Variants in AGXT2 observed in about 807,000 individuals in gnomAD.
The protein encoded by AGXT2 is alanine--glyoxylate aminotransferase 2, also known as alanine--glyoxylate aminotransferase 2, mitochondrial.
A neutral mutation model predicts 62.5 loss-of-function variants in AGXT2; 61 were observed. The observed-to-expected ratio is 0.98, with a 90% CI of 0.79 to 1.21. AGXT2 has a LOEUF of 1.21. AGXT2 is among the 50% of genes most tolerant of loss of function. AGXT2 has a pLI of 0.00. For synonymous variants in AGXT2, 243 were observed against 218.7 expected (o/e 1.11, Z -0.98); for missense variants, 666 against 641.5 (o/e 1.04, Z -0.41).
rs377661026 is a variant in AGXT2, at chr5:35,033,489, C to T, written c.646G>A (p.Glu216Lys). ...GLTNVGTYKMELPGGTGCQPT... is the reference protein window; with the variant it reads ...GLTNVGTYKMKLPGGTGCQPT... ...TGGCAACCTGTCCCACCAGGGAGTT[C>T]CATCTTGTAGGTCCCTACGTTTGTC... Residue 216 changes from glutamate to lysine, a missense_variant, in exon 6 of 14, where the codon GAA (glutamate) becomes AAA (lysine). Coordinates refer to ENST00000231420, the MANE Select transcript of AGXT2 (RefSeq NM_031900.4). The T allele has an allele frequency of 4.3e-6, 7 of 1,613,578 alleles. No individual in the cohort carries two copies. Among genetic ancestry groups the T allele is most frequent in the African/African-American group, 4.0e-5 (3 of 74,916 alleles).
intron 13 of AGXT2, among the ~76,000 whole-genome samples, chr5:34,999,356 A>G (rs1156908359): frequency 1.3e-5 from 2 of 152,042 alleles, no homozygotes; most frequent in Non-Finnish European, 2.9e-5. Flanking sequence ...CTATTGCTCC[A>G]CTCAGGTCTC....
At chr5:35,032,857 G>T (rs781016236) in intron 6 of AGXT2, 32 bp from the exon 7 acceptor site, 3 of 1,565,070 alleles carry the variant, frequency 1.9e-6, no homozygotes, top group Non-Finnish European at 2.6e-6. Context: ...GTGTGGCAAA[G>T]CATGAACACA....
At chr5:35,045,380 A>T (rs7702911) in intron 1 of AGXT2, among the ~76,000 whole-genome samples, 31,880 of 152,014 alleles carry the variant, frequency 0.21, 3,387 homozygotes, top group Middle Eastern at 0.25. Context: ...GGTTTTATTC[A>T]TGGCATGTGT....
rs538346543 is a variant in AGXT2 at position 35,032,480 on chromosome 5, T to C, written c.769+252A>G. 3.9e-5 allele frequency among the ~76,000 whole-genome samples: 6 copies of C among 152,328 alleles called. No individual in the cohort carries two copies. The South Asian group carries it at 1.0e-3, about 26-fold the overall frequency. ...ATCAAGTACCAGCTGATAGTCGTTT[T>C]TTTGAGCTTGGCTCTGATAGCGTGA... On this transcript the variant is annotated intron_variant, in intron 7 of 13. Coordinates refer to ENST00000231420, the MANE Select transcript of AGXT2 (RefSeq NM_031900.4).
In AGXT2 at chr5:35,036,971, GCTT is replaced by G. The variant is rs1467672426; in HGVS notation, c.454_456del (p.Lys152del). 4 of 1,614,144 alleles carry G rather than the reference GCTT, an allele frequency of 2.5e-6. No individual in the cohort carries two copies. The highest frequency in any genetic ancestry group is 2.5e-6 in the Non-Finnish European group (3 of 1,180,002). Reference sequence around the variant, plus strand: ...AGAGGCTCAGGAAGAAGTGCGGCAAGCTTCTCTGCATATTCATGCATTGGAGGG... The same window carrying G: ...AGAGGCTCAGGAAGAAGTGCGGCAAGCTCTGCATATTCATGCATTGGAGGG... On this transcript the variant is annotated inframe_deletion, in exon 4 of 14. Transcript: ENST00000231420.
chr5:35,023,352 C>G (rs1335388007), intron 9 of AGXT2, among the ~76,000 whole-genome samples: 1 of 152,122 alleles, frequency 6.6e-6, no homozygotes, highest in Non-Finnish European at 1.5e-5. Context: ...GTGTTATGAA[C>G]AGTGTCTGAC....
At chr5:35,002,001 A>G (rs1253188228) in intron 13 of AGXT2, among the ~76,000 whole-genome samples, 1 of 152,110 alleles carries the variant, frequency 6.6e-6, no homozygotes, top group Non-Finnish European at 1.5e-5. Flanking sequence ...AATCACAAAA[A>G]CTGCAATTAC....
intron 11 of AGXT2, chr5:35,012,248 CATATATAAATAT>C (rs1415661900): frequency 6.6e-6 from 1 of 150,988 alleles, no homozygotes; most frequent in African/African-American, 2.4e-5. Flanking sequence ...AATATATATA[CATATATAAATAT>C]ATATGTGTAT....
chr5:35,001,518 G>A (rs1162681346), intron 13 of AGXT2, among the ~76,000 whole-genome samples: 1 of 152,166 alleles, frequency 6.6e-6, no homozygotes, highest in Admixed American at 6.5e-5. Context: ...TAACCTCTCT[G>A]TGTGTCTTTT....
intron 13 of AGXT2, among the ~76,000 whole-genome samples, chr5:35,003,406 T>C (rs1362777010): frequency 6.6e-6 from 1 of 152,176 alleles, no homozygotes; most frequent in East Asian, 1.9e-4. Context: ...TTAGAATTAA[T>C]TATACAGGAG....
intron 5 of AGXT2, among the ~76,000 whole-genome samples, chr5:35,033,820 T>A (rs185980921): frequency 6.6e-6 from 1 of 152,216 alleles, no homozygotes; most frequent in Non-Finnish European, 1.5e-5. Context: ...CCTACTCTAT[T>A]ATTCCATAGT....
chr5:35,037,364 A>G (rs1767816584), intron 3 of AGXT2, among the ~76,000 whole-genome samples: 1 of 152,230 alleles, frequency 6.6e-6, no homozygotes, highest in Admixed American at 6.5e-5. Flanking sequence ...AATTTCTTCT[A>G]GCTATGCTTT....
In AGXT2 at chr5:35,047,790, C is replaced by T. The variant is rs777969834; in HGVS notation, c.88+15G>A. 7 of 1,613,726 alleles carry T rather than the reference C, an allele frequency of 4.3e-6. No individual in the cohort carries two copies. In the African/African-American group the frequency reaches 9.3e-5, roughly 22 times the overall value. ...TGATCCTCTACTGACCCACGTCCCC[C>T]TGGTTTCCACTTACGGCTCAGGAAA... On this transcript the variant is annotated intron_variant, in intron 1 of 13. Coordinates refer to ENST00000231420, the MANE Select transcript of AGXT2 (RefSeq NM_031900.4).
intron 1 of AGXT2, among the ~76,000 whole-genome samples, chr5:35,041,460 G>A (rs953632043): frequency 2.0e-5 from 3 of 152,112 alleles, no homozygotes; most frequent in African/African-American, 4.8e-5. Context: ...TCCTAGCCCA[G>A]TAGTCTGTTT....
At chr5:35,047,651 C>T (rs1768296474) in intron 1 of AGXT2, among the ~76,000 whole-genome samples, 154 bp downstream of exon 1, 1 of 151,980 alleles carries the variant, frequency 6.6e-6, no homozygotes, top group Non-Finnish European at 1.5e-5. Context: ...GGGGCATTGA[C>T]TCAGGGTGAG....
chr5:35,041,223 C>CAAAAAAAAAA (rs3034208), intron 1 of AGXT2, among the ~76,000 whole-genome samples: 1,873 of 50,664 alleles, frequency 0.037, 114 homozygotes, highest in Middle Eastern at 0.071. Flanking sequence ...CTCCCCCCGC[C>CAAAAAAAAAA]AAAAAAAAAA....
intron 1 of AGXT2, among the ~76,000 whole-genome samples, chr5:35,046,659 T>C (rs1022495603): frequency 1.2e-4 from 19 of 152,110 alleles, no homozygotes; most frequent in African/African-American, 4.6e-4. Flanking sequence ...TGTGTCAAGT[T>C]TCAAAAAACT....
At chr5:34,998,941 C>T (rs1766128884) in intron 13 of AGXT2, 115 bp from the exon 14 acceptor site, 3 of 820,614 alleles carry the variant, frequency 3.7e-6, no homozygotes, top group Non-Finnish European at 6.1e-6. Context: ...TCTCATGTTT[C>T]TCTCAGTTTG....
chr5:35,014,719 T>A (rs1245807963), intron 9 of AGXT2, among the ~76,000 whole-genome samples: 5 of 152,186 alleles, frequency 3.3e-5, no homozygotes, highest in Non-Finnish European at 7.4e-5. Context: ...ACAGGCTCCA[T>A]GAGGGTCATA....
Sources: gnomAD v4.1 joint callset for allele counts (sites outside exome capture counted in the v4.1 genomes callset) on GRCh38, gnomAD v4.1.1 for gene constraint, MANE v1.5 for transcripts, NCBI Gene and HGNC (gene_info 2026-07-23, HGNC 2026-07-21) for gene names.